Variants in CTNNA2 observed in about 807,000 individuals in gnomAD.
CTNNA2 encodes catenin alpha 2, also known as catenin alpha-2.
In CTNNA2, 42 loss-of-function variants were observed where a neutral mutation model predicts 101.0. The ratio of observed to expected loss-of-function variants is 0.42; its 90% confidence interval spans 0.32 to 0.54. CTNNA2 has a LOEUF of 0.54. Ranked by LOEUF, CTNNA2 falls within the 20% of genes least tolerant of loss-of-function variation. The probability of loss-of-function intolerance (pLI) is 0.14; values close to 1 mark genes in which losing one functional copy is unlikely to be tolerated. For missense variants in CTNNA2, 871 were observed against 1,223.1 expected (o/e 0.71, Z 4.29); for synonymous variants, 450 against 456.4 (o/e 0.99, Z 0.18).
intron 2 of CTNNA2, among the ~76,000 whole-genome samples, chr2:79,679,897 A>C (rs17017528): frequency 0.31 from 47,639 of 151,706 alleles, 7,848 homozygotes; most frequent in East Asian, 0.54. Flanking sequence ...ATGGCATCTC[A>C]TCCCTAGGCC....
intron 2 of CTNNA2, among the ~76,000 whole-genome samples, chr2:79,204,842 A>G (rs1469924842): frequency 6.6e-6 from 1 of 152,194 alleles, no homozygotes; most frequent in Non-Finnish European, 1.5e-5. Context: ...CCACCTCCAC[A>G]GGCCGTTTTC....
intron 7 of CTNNA2, among the ~76,000 whole-genome samples, chr2:79,970,786 G>T (rs532807051): frequency 6.6e-6 from 1 of 150,850 alleles, no homozygotes; most frequent in Admixed American, 6.6e-5. Flanking sequence ...AAAGCTAAAT[G>T]TGAAATCTAG....
chr2:79,871,866 A>C (rs1000221952), intron 5 of CTNNA2, among the ~76,000 whole-genome samples: 5 of 152,214 alleles, frequency 3.3e-5, no homozygotes, highest in Admixed American at 6.5e-5. Flanking sequence ...TGACATTAAA[A>C]GCCACGAGAA....
chr2:80,348,330 T>C (rs1672964619), intron 7 of CTNNA2, among the ~76,000 whole-genome samples: 1 of 152,224 alleles, frequency 6.6e-6, no homozygotes, highest in South Asian at 2.1e-4. Flanking sequence ...AAAGATTTGC[T>C]TAATTGAATT....
At chr2:79,661,839 T>G (rs1190900232) in intron 2 of CTNNA2, among the ~76,000 whole-genome samples, 1 of 152,044 alleles carries the variant, frequency 6.6e-6, no homozygotes, top group Admixed American at 6.5e-5. Flanking sequence ...GTCAGTATAG[T>G]TTTATTTTCT....
intron 7 of CTNNA2, among the ~76,000 whole-genome samples, chr2:80,331,326 C>T (rs754759145): frequency 1.5e-4 from 23 of 152,194 alleles, no homozygotes; most frequent in Non-Finnish European, 2.8e-4. Context: ...ATTGCCAGGG[C>T]TCATTTTAAT....
chr2:80,467,846 G>A (rs1441171325), intron 9 of CTNNA2, among the ~76,000 whole-genome samples: 5 of 152,132 alleles, frequency 3.3e-5, no homozygotes, highest in African/African-American at 1.2e-4. Context: ...GCAAGAGTGA[G>A]TCCTCACCAG....
chr2:80,075,747 AAAT>A lies in CTNNA2; in HGVS notation c.1056+165955_1056+165957del, dbSNP rs905803947. Among the ~76,000 whole-genome samples, 57 of 131,964 alleles carry A rather than the reference AAAT, an allele frequency of 4.3e-4. 1 individual carries two copies. The highest frequency in any genetic ancestry group is 7.0e-4 in the Non-Finnish European group (45 of 63,988). The allele number at this position is 131,964 out of a possible 152,430, so 86.6% of individuals were successfully genotyped here. ...ATTTATACTTGTATAAATATTATAA[AAAT>A]AATATTTATACTTGTATAAATATTA... is the stretch of plus-strand genomic sequence containing the variant. On this transcript the variant is annotated intron_variant, in intron 7 of 18. Coordinates refer to ENST00000402739, the MANE Select transcript of CTNNA2 (RefSeq NM_001282597.3).
chr2:79,927,819 G>T, intron 7 of CTNNA2, among the ~76,000 whole-genome samples: 1 of 152,216 alleles, frequency 6.6e-6, no homozygotes. Flanking sequence ...CTCATAGTAT[G>T]AAGCATGTTG....
intron 2 of CTNNA2, among the ~76,000 whole-genome samples, chr2:79,272,391 TC>T (rs1237087642): frequency 3.3e-5 from 5 of 152,048 alleles, no homozygotes; most frequent in African/African-American, 1.2e-4. Context: ...ATTAAAAACT[TC>T]AAAAACCAAA....
intron 7 of CTNNA2, among the ~76,000 whole-genome samples, chr2:80,325,691 C>T (rs1207084392): frequency 1.3e-5 from 2 of 152,280 alleles, no homozygotes; most frequent in East Asian, 1.9e-4. Context: ...CCATTAGATA[C>T]AGTTTTGCTG....
chr2:79,546,898 G>A (rs1224284109), intron 1 of CTNNA2, among the ~76,000 whole-genome samples: 1 of 152,208 alleles, frequency 6.6e-6, no homozygotes, highest in Non-Finnish European at 1.5e-5. Context: ...ACTTGCCTAT[G>A]TAATGATTCC....
chr2:80,023,122 A>G (rs1694690578), intron 7 of CTNNA2, among the ~76,000 whole-genome samples: 1 of 152,212 alleles, frequency 6.6e-6, no homozygotes, highest in Admixed American at 6.5e-5. Flanking sequence ...TGGATTCTCA[A>G]AAGTGGTCCA....
In CTNNA2 at chr2:80,522,258, A is replaced by T. The variant is rs186470728; in HGVS notation, c.1291-22724A>T. Among the ~76,000 whole-genome samples the T allele has an allele frequency of 1.2e-3, 183 of 152,320 alleles. 2 individuals carry two copies. The highest frequency in any genetic ancestry group is 7.1e-4 in the Non-Finnish European group (48 of 68,026). ...TTAGTGTGAGCCTCAGCTGTTCTCA[A>T]GGATCCTCAAAAGAGAGTCTTAATG... is the stretch of plus-strand genomic sequence containing the variant. On this transcript the variant is annotated intron_variant, in intron 9 of 18. Coordinates refer to ENST00000402739, the MANE Select transcript of CTNNA2 (RefSeq NM_001282597.3).
At chr2:79,414,705 G>A (rs1310856996) in intron 4 of CTNNA2, among the ~76,000 whole-genome samples, 1 of 152,054 alleles carries the variant, frequency 6.6e-6, no homozygotes, top group Middle Eastern at 3.4e-3. Context: ...TCATCCTCTT[G>A]AACCCCTATA....
intron 11 of CTNNA2, among the ~76,000 whole-genome samples, chr2:80,554,418 A>G (rs1372951724): frequency 2.0e-5 from 3 of 152,166 alleles, no homozygotes; most frequent in African/African-American, 7.2e-5. Context: ...TTATGTGTTC[A>G]TGTCTTGGTG....
chr2:79,660,220 G>T (rs924532039), intron 2 of CTNNA2, among the ~76,000 whole-genome samples: 2 of 147,808 alleles, frequency 1.4e-5, no homozygotes, highest in African/African-American at 4.9e-5. Context: ...GTATATATTT[G>T]TATATATGTA....
intron 2 of CTNNA2, among the ~76,000 whole-genome samples, chr2:79,285,471 T>A (rs868426108): frequency 6.5e-4 from 95 of 145,610 alleles, no homozygotes; most frequent in African/African-American, 2.3e-3. Context: ...TCACGTTGGT[T>A]TCAAAGAACA....
intron 7 of CTNNA2, among the ~76,000 whole-genome samples, chr2:80,216,541 G>A (rs1708278531): frequency 6.6e-6 from 1 of 152,142 alleles, no homozygotes; most frequent in African/African-American, 2.4e-5. Context: ...TCATGAATGA[G>A]ATCAGTGCCT....
Sources: allele counts gnomAD v4.1 joint callset (sites outside exome capture counted in the v4.1 genomes callset), GRCh38; gene constraint gnomAD v4.1.1; transcripts MANE v1.5; gene names NCBI Gene and HGNC (gene_info 2026-07-23, HGNC 2026-07-21).